Variants in LRP1B observed in about 807,000 individuals in gnomAD.
LRP1B encodes LDL receptor related protein 1B, also known as low-density lipoprotein receptor-related protein 1B.
In LRP1B, 217 loss-of-function variants were observed where a neutral mutation model predicts 556.6. The ratio of observed to expected loss-of-function variants is 0.39; its 90% CI spans 0.35 to 0.44. The LOEUF is 0.44. Ranked by LOEUF, LRP1B falls within the 20% of genes least tolerant of loss-of-function variation. The pLI, the probability that LRP1B is intolerant of heterozygous loss-of-function variation, is 1.00. For missense variants in LRP1B, 5,053 were observed against 5,620.8 expected (o/e 0.90, Z 3.23); for synonymous variants, 2,047 against 1,865.8 (o/e 1.10, Z -2.50).
rs1574012047 is a variant in LRP1B, at chr2:141,494,987, T to C, written c.206-14454A>G. On this transcript the variant is annotated intron_variant, in intron 2 of 90. Coordinates refer to ENST00000389484, the MANE Select transcript of LRP1B (RefSeq NM_018557.3). ...AAGAATTCCTTACATTTATGGACAA[T>C]TCTAATGATTTATATAATTGCAATA... 2.0e-5 allele frequency among the ~76,000 whole-genome samples: 3 copies of C among 151,992 alleles called. No homozygotes were observed. In the South Asian group the frequency reaches 6.2e-4, roughly 32 times the overall value.
intron 41 of LRP1B, among the ~76,000 whole-genome samples, chr2:140,633,071 G>A (rs1816770): frequency 0.13 from 17,284 of 128,518 alleles, 1,121 homozygotes; most frequent in Admixed American, 0.2. Flanking sequence ...TCAAAAAAAA[G>A]AAAAAAAAAA....
At chr2:140,943,067 T>C (rs1348787045) in intron 20 of LRP1B, among the ~76,000 whole-genome samples, 1 of 152,008 alleles carries the variant, frequency 6.6e-6, no homozygotes, top group African/African-American at 2.4e-5. Flanking sequence ...ACACATAGGT[T>C]CAAAGTGAAG....
intron 66 of LRP1B, among the ~76,000 whole-genome samples, chr2:140,386,695 T>G (rs563670083): frequency 5.2e-4 from 79 of 152,356 alleles, no homozygotes; most frequent in Non-Finnish European, 7.1e-4. Flanking sequence ...TTAATAAATT[T>G]TCACTATTAT....
At chr2:141,153,619 A>G (rs533223808) in intron 7 of LRP1B, among the ~76,000 whole-genome samples, 249 of 139,076 alleles carry the variant, frequency 1.8e-3, no homozygotes, top group African/African-American at 5.8e-3. Context: ...AATATATTAT[A>G]TATCAGCTAT....
intron 66 of LRP1B, among the ~76,000 whole-genome samples, chr2:140,389,197 C>T (rs146375373): frequency 4.2e-4 from 64 of 151,994 alleles, no homozygotes; most frequent in African/African-American, 1.5e-3. Flanking sequence ...AAATTTGATC[C>T]TCCCAGAAAG....
intron 2 of LRP1B, among the ~76,000 whole-genome samples, chr2:141,770,011 A>G (rs562161231): frequency 6.6e-6 from 1 of 152,330 alleles, no homozygotes; most frequent in Admixed American, 6.5e-5. Context: ...ACAAAGAGTT[A>G]GTATGACCTA....
At chr2:141,122,577 G>A (rs369980684) in intron 7 of LRP1B, among the ~76,000 whole-genome samples, 93 of 152,120 alleles carry the variant, frequency 6.1e-4, no homozygotes, top group East Asian at 2.1e-3. Context: ...TTAGAATGGC[G>A]ATCATTAAAA....
intron 5 of LRP1B, among the ~76,000 whole-genome samples, chr2:141,236,491 T>A (rs867050667): frequency 6.6e-6 from 1 of 152,170 alleles, no homozygotes; most frequent in Non-Finnish European, 1.5e-5. Flanking sequence ...AGACAAAGTA[T>A]GCAAAATCAC....
At position 141,937,007 on chromosome 2, in the gene LRP1B, T is replaced by A. The variant is rs190975183; in HGVS notation, c.83-126606A>T. On this transcript the variant is annotated intron_variant, in intron 1 of 90. Transcript: ENST00000389484. ...TGAACAATGTTGTAACCATTTTGCA[T>A]GTATTCACTTAATTCAAAAAGCTCT... 3.6e-3 allele frequency among the ~76,000 whole-genome samples: 542 copies of A among 152,216 alleles called. 3 individuals are homozygous for A. The highest frequency in any genetic ancestry group is 0.01 in the Middle Eastern group (3 of 294).
chr2:141,458,836 A>G (rs1180674800), intron 3 of LRP1B, among the ~76,000 whole-genome samples: 1 of 152,174 alleles, frequency 6.6e-6, no homozygotes, highest in Non-Finnish European at 1.5e-5. Context: ...TTCCTCCTCA[A>G]AATCTTTACC....
At chr2:141,878,603 C>A (rs1415017491) in intron 1 of LRP1B, among the ~76,000 whole-genome samples, 1 of 151,826 alleles carries the variant, frequency 6.6e-6, no homozygotes, top group Admixed American at 6.6e-5. Context: ...AATATTTCCC[C>A]TTTTGAGGTG....
At chr2:140,910,270 T>A (rs1428597575) in intron 21 of LRP1B, among the ~76,000 whole-genome samples, 2 of 151,802 alleles carry the variant, frequency 1.3e-5, no homozygotes, top group Non-Finnish European at 1.5e-5. Context: ...GTATATGGAT[T>A]TTATATATGA....
Position 140,813,692 on chromosome 2 carries a change from T to C in LRP1B, c.5324A>G (p.Glu1775Gly). The change falls in exon 32 of 91, where the codon GAA becomes GGA. Residue 1775 changes from glutamate (E) to glycine (G), a missense_variant. Glu to Gly is a moderately conservative substitution (Grantham distance 98). This residue lies in a region of LRP1B where 3,619 missense variants were observed against 3,931.9 expected (regional missense o/e 0.92). Transcript: ENST00000389484. ...TAGGGCTGTAGCTTTTGTTAATTCT[T>C]CTTTCATTGACTCGATTACTTCTAA... ...GNLEVIESMK[E>G]ELTKATALTI... 1 of 1,613,608 alleles carries C rather than the reference T, an allele frequency of 6.2e-7. No individual in the cohort carries two copies. Among genetic ancestry groups the C allele is most frequent in the South Asian group, 1.1e-5 (1 of 91,060 alleles).
chr2:141,253,742 G>A (rs60314997), intron 4 of LRP1B, among the ~76,000 whole-genome samples: 15,015 of 151,846 alleles, frequency 0.099, 864 homozygotes, highest in East Asian at 0.16. Context: ...TTTATTAGTG[G>A]CTCTGGCAAT....
At chr2:141,739,680 GT>G (rs530110334) in intron 2 of LRP1B, among the ~76,000 whole-genome samples, 16,693 of 143,046 alleles carry the variant, frequency 0.12, 1,109 homozygotes, top group African/African-American at 0.2. Context: ...TCTACTGGTT[GT>G]TTTTTTTTTT....
At chr2:141,874,575 A>G (rs1158466962) in intron 1 of LRP1B, among the ~76,000 whole-genome samples, 4 of 151,978 alleles carry the variant, frequency 2.6e-5, no homozygotes, top group African/African-American at 9.7e-5. Flanking sequence ...ATTTTGAAAA[A>G]GAGAAATAAA....
At chr2:141,285,202 A>T in intron 3 of LRP1B, among the ~76,000 whole-genome samples, 1 of 147,074 alleles carries the variant, frequency 6.8e-6, no homozygotes, top group South Asian at 2.1e-4. Context: ...GGTTCAAGCG[A>T]CTCTCCTGCC....
At chr2:142,035,634 T>G (rs955776245) in intron 1 of LRP1B, among the ~76,000 whole-genome samples, 2 of 151,676 alleles carry the variant, frequency 1.3e-5, no homozygotes, top group African/African-American at 4.8e-5. Context: ...TTGGTGTAAT[T>G]CACGGGAAGG....
At chr2:141,830,491 T>G (rs1187623414) in intron 1 of LRP1B, among the ~76,000 whole-genome samples, 1 of 151,884 alleles carries the variant, frequency 6.6e-6, no homozygotes, top group African/African-American at 2.4e-5. Context: ...CCAAGATTCC[T>G]TATAAATACA....
Sources: gnomAD v4.1 joint callset for allele counts (sites outside exome capture counted in the v4.1 genomes callset) on GRCh38, gnomAD v4.1.1 for gene constraint, gnomAD v4.1.1 regional missense constraint, MANE v1.5 for transcripts, NCBI Gene and HGNC (gene_info 2026-07-23, HGNC 2026-07-21) for gene names.